CDH13: variants seen among roughly 807,000 people sequenced by gnomAD.
CDH13 encodes the protein cadherin-13.
In CDH13, 24 loss-of-function variants were observed where a neutral mutation model predicts 63.8. The ratio of observed to expected loss-of-function variants is 0.38; its 90% confidence interval spans 0.27 to 0.53. The LOEUF (loss-of-function observed/expected upper bound fraction) is 0.53, where lower values mean the gene tolerates loss of function less well. CDH13 is among the 20% of genes least tolerant of loss of function. The probability of loss-of-function intolerance (pLI) is 0.85; values close to 1 mark genes in which losing one functional copy is unlikely to be tolerated. For synonymous variants in CDH13, 503 were observed against 355.3 expected (o/e 1.42, Z -4.67); for missense variants, 1,049 against 903.1 (o/e 1.16, Z -2.07).
At chr16:82,989,167 A>C (rs1209852217) in intron 2 of CDH13, among the ~76,000 whole-genome samples, 1 of 152,226 alleles carries the variant, frequency 6.6e-6, no homozygotes, top group Non-Finnish European at 1.5e-5. Flanking sequence ...ATGGGTATCC[A>C]ACTGATACCT....
At chr16:83,601,218 G>A (rs1466089311) in intron 7 of CDH13, among the ~76,000 whole-genome samples, 1 of 152,158 alleles carries the variant, frequency 6.6e-6, no homozygotes, top group African/African-American at 2.4e-5. Context: ...GAAATGCGGG[G>A]TGCTGCCTTA....
intron 6 of CDH13, among the ~76,000 whole-genome samples, chr16:83,361,989 A>G (rs2091170987): frequency 6.6e-6 from 1 of 152,138 alleles, no homozygotes; most frequent in Admixed American, 6.6e-5. Flanking sequence ...TAGGAATTGC[A>G]TTGAATTCAT....
intron 8 of CDH13, among the ~76,000 whole-genome samples, chr16:83,627,051 G>A (rs1019323965): frequency 1.3e-5 from 2 of 151,982 alleles, no homozygotes; most frequent in Admixed American, 1.3e-4. Flanking sequence ...GGGAGGCCAA[G>A]GCCGATGGAT....
At chr16:83,682,798 C>G (rs1915512489) in intron 10 of CDH13, among the ~76,000 whole-genome samples, 1 of 152,170 alleles carries the variant, frequency 6.6e-6, no homozygotes, top group Non-Finnish European at 1.5e-5. Flanking sequence ...TCACCAGGCC[C>G]TCGAAACTAA....
chr16:82,713,398 C>T (rs528274240), intron 1 of CDH13, among the ~76,000 whole-genome samples: 27 of 152,206 alleles, frequency 1.8e-4, no homozygotes, highest in African/African-American at 6.3e-4. Context: ...ATGATGAGAT[C>T]AAGAGAGCTT....
At chr16:83,448,666 A>G (rs751631001) in intron 6 of CDH13, among the ~76,000 whole-genome samples, 23 of 152,164 alleles carry the variant, frequency 1.5e-4, no homozygotes, top group African/African-American at 4.8e-4. Context: ...GAATTGGTCA[A>G]TTTTTCCAGG....
intron 7 of CDH13, among the ~76,000 whole-genome samples, chr16:83,527,367 T>A (rs1313107739): frequency 6.6e-6 from 1 of 151,706 alleles, no homozygotes; most frequent in Non-Finnish European, 1.5e-5. Flanking sequence ...GAGAATGGCG[T>A]GAACCCAGGA....
chr16:82,744,810 G>A (rs1426903293), intron 1 of CDH13, among the ~76,000 whole-genome samples: 1 of 152,164 alleles, frequency 6.6e-6, no homozygotes, highest in Non-Finnish European at 1.5e-5. Flanking sequence ...AGGAAACTGA[G>A]GCACAAATAG....
intron 10 of CDH13, among the ~76,000 whole-genome samples, chr16:83,702,665 G>T (rs957733920): frequency 5.3e-5 from 8 of 152,202 alleles, no homozygotes; most frequent in African/African-American, 1.9e-4. Context: ...GCCATGAGAT[G>T]CTCAAGGTCG....
intron 5 of CDH13, among the ~76,000 whole-genome samples, chr16:83,253,173 A>C (rs542671598): frequency 6.6e-6 from 1 of 152,272 alleles, no homozygotes; most frequent in South Asian, 2.1e-4. Context: ...GAAAAGTTGC[A>C]TTTTTTGGTA....
chr16:82,650,024 C>G (rs955992987), intron 1 of CDH13, among the ~76,000 whole-genome samples: 10 of 152,174 alleles, frequency 6.6e-5, no homozygotes, highest in African/African-American at 2.4e-4. Context: ...GGGCAACAAC[C>G]CAAAGCTATA....
At chr16:83,712,087 A>T (rs1908147579) in intron 10 of CDH13, among the ~76,000 whole-genome samples, 1 of 152,126 alleles carries the variant, frequency 6.6e-6, no homozygotes, top group African/African-American at 2.4e-5. Flanking sequence ...GACACCAGTC[A>T]TATCTGACTA....
chr16:83,155,474 C>G (rs1227418060), intron 4 of CDH13, among the ~76,000 whole-genome samples: 5 of 152,168 alleles, frequency 3.3e-5, no homozygotes, highest in Non-Finnish European at 7.3e-5. Flanking sequence ...TAAAGGATCT[C>G]TGCCTTTCTT....
chr16:82,880,600 A>G (rs1317033528), intron 2 of CDH13, among the ~76,000 whole-genome samples: 2 of 152,226 alleles, frequency 1.3e-5, no homozygotes, highest in Non-Finnish European at 2.9e-5. Context: ...GAAGAAGGCC[A>G]GCTGCTACTC....
intron 7 of CDH13, among the ~76,000 whole-genome samples, chr16:83,530,836 C>T (rs1001665136): frequency 6.6e-6 from 1 of 152,196 alleles, no homozygotes; most frequent in African/African-American, 2.4e-5. Flanking sequence ...TAACTAGCCC[C>T]TTGGCAGAGA....
At chr16:82,695,575 T>A (rs2030184935) in intron 1 of CDH13, among the ~76,000 whole-genome samples, 1 of 152,176 alleles carries the variant, frequency 6.6e-6, no homozygotes, top group Non-Finnish European at 1.5e-5. Flanking sequence ...AAGAACCATC[T>A]CATGGCATTG....
At chr16:83,553,462 A>G (rs1257528733) in intron 7 of CDH13, among the ~76,000 whole-genome samples, 3 of 152,234 alleles carry the variant, frequency 2.0e-5, no homozygotes, top group Admixed American at 2.0e-4. Flanking sequence ...TGGAATTTTA[A>G]TATATACAAC....
intron 4 of CDH13, among the ~76,000 whole-genome samples, chr16:83,177,343 C>T (rs112116672): frequency 2.6e-4 from 39 of 152,310 alleles, no homozygotes; most frequent in African/African-American, 8.4e-4. Flanking sequence ...ACCAAATCTC[C>T]AATGATAGTC....
At chr16:83,624,338 G>GCCCCC (rs202230797) in intron 8 of CDH13, among the ~76,000 whole-genome samples, 1 of 145,134 alleles carries the variant, frequency 6.9e-6, no homozygotes, top group Non-Finnish European at 1.5e-5. Context: ...ATGAGATAAC[G>GCCCCC]CCCCCACCCC....
Sources: gnomAD v4.1 joint callset for allele counts (sites outside exome capture counted in the v4.1 genomes callset) on GRCh38, gnomAD v4.1.1 for gene constraint, MANE v1.5 for transcripts, NCBI Gene and HGNC (gene_info 2026-07-23, HGNC 2026-07-21) for gene names.